Variants in GLI3 observed in about 807,000 individuals in gnomAD.
GLI3 encodes the protein transcription activator GLI3.
GLI3 carries 20 observed loss-of-function variants against 100.8 expected under a neutral mutation model. The ratio of observed to expected loss-of-function variants is 0.20; its 90% confidence interval spans 0.14 to 0.29. The LOEUF is 0.29. Among genes scored for constraint, GLI3 ranks in the 10% least tolerant of loss-of-function variants. The pLI is 1.00. For synonymous variants in GLI3, 938 were observed against 860.5 expected (o/e 1.09, Z -1.58); for missense variants, 2,040 against 2,128.5 (o/e 0.96, Z 0.82).
intron 4 of GLI3, 58 bp downstream of exon 4, chr7:42,076,694 G>T: frequency 9.3e-7 from 1 of 1,080,678 alleles, no homozygotes; most frequent in Non-Finnish European, 1.4e-6. Context: ...AAAGTCCTGA[G>T]ATGGTAAAAG....
At position 42,040,208 on chromosome 7, in the gene GLI3, G is replaced by A. The variant is rs1784104620; in HGVS notation, c.858C>T (p.Ala286=). The part of the protein sequence containing the change: ...STRFSSPRLS[A]RPSRKRTLSI... ...ACAGTGTACGTTTTCGGCTCGGCCTGGCTGACAGCCTGGGGCTGGAGAATC... is the reference window on the plus strand; with the variant it reads ...ACAGTGTACGTTTTCGGCTCGGCCTAGCTGACAGCCTGGGGCTGGAGAATC... Residue 286 remains alanine, a synonymous_variant, in exon 7 of 15, where the codon GCC becomes GCT. Transcript: ENST00000395925. 6.2e-7 allele frequency: 1 copy of A among 1,613,822 alleles called. No individual in the cohort carries two copies. Among genetic ancestry groups the A allele is most frequent in the African/African-American group, 1.3e-5 (1 of 74,896 alleles).
chr7:42,213,299 C>T lies in GLI3; in HGVS notation c.124+9831G>A, dbSNP rs551645894. On this transcript the variant is annotated intron_variant, in intron 2 of 14. Transcript: ENST00000395925. ...AATATAATGCTGACCACTACAATTTCAAAATACTTGCACTGCAGTCACTCA... is the reference window on the plus strand; with the variant it reads ...AATATAATGCTGACCACTACAATTTTAAAATACTTGCACTGCAGTCACTCA... Among the ~76,000 whole-genome samples the T allele has an allele frequency of 9.8e-5, 15 of 152,290 alleles. No individual in the cohort carries two copies. The South Asian group carries it at 1.7e-3, about 17-fold the overall frequency.
intron 13 of GLI3, among the ~76,000 whole-genome samples, chr7:41,969,230 G>A (rs1030147698): frequency 2.0e-5 from 3 of 152,152 alleles, no homozygotes; most frequent in Non-Finnish European, 4.4e-5. Context: ...AACTAGCCTG[G>A]ACTCCTAGGC....
intron 1 of GLI3, among the ~76,000 whole-genome samples, chr7:42,261,824 A>G (rs1294420841): frequency 6.6e-6 from 1 of 151,082 alleles, no homozygotes; most frequent in African/African-American, 2.4e-5. Context: ...GTCTGGGTTG[A>G]CCCTGGCATC....
At chr7:42,212,198 A>T (rs1788285904) in intron 2 of GLI3, among the ~76,000 whole-genome samples, 1 of 152,212 alleles carries the variant, frequency 6.6e-6, no homozygotes, top group African/African-American at 2.4e-5. Context: ...TTATTTTTAA[A>T]GATAAATATG....
intron 10 of GLI3, among the ~76,000 whole-genome samples, chr7:41,993,378 T>A (rs998586532): frequency 3.3e-5 from 5 of 152,122 alleles, no homozygotes; most frequent in Non-Finnish European, 7.4e-5. Context: ...GCCACCTCCT[T>A]ACAGAGACTC....
chr7:42,148,089 A>G, intron 3 of GLI3, 137 bp downstream of exon 3: 1 of 875,562 alleles, frequency 1.1e-6, no homozygotes. Flanking sequence ...TGGAAAGAAA[A>G]TTACACCTTT....
At chr7:42,036,123 TTAAG>T (rs1262963285) in intron 7 of GLI3, among the ~76,000 whole-genome samples, 9 of 152,216 alleles carry the variant, frequency 5.9e-5, no homozygotes, top group Non-Finnish European at 1.2e-4. Flanking sequence ...GTCTGGATTA[TTAAG>T]TAAATATATA....
chr7:42,238,051 C>T (rs1353405560), upstream of GLI3, among the ~76,000 whole-genome samples: 1 of 148,432 alleles, frequency 6.7e-6, no homozygotes, highest in Non-Finnish European at 1.5e-5. Context: ...CTCCTCCGCC[C>T]CTCCCCGGTC....
At chr7:42,222,315 A>G (rs964415700) in intron 2 of GLI3, among the ~76,000 whole-genome samples, 2 of 152,208 alleles carry the variant, frequency 1.3e-5, no homozygotes, top group African/African-American at 4.8e-5. Context: ...GGGCCAGCTC[A>G]TTCTTCCTAA....
chr7:42,098,129 G>A (rs1785381265), intron 3 of GLI3, among the ~76,000 whole-genome samples: 1 of 152,142 alleles, frequency 6.6e-6, no homozygotes, highest in Non-Finnish European at 1.5e-5. Context: ...CTGCAGGTAT[G>A]ACCACAGAGA....
Position 42,130,573 on chromosome 7 carries a change from G to A in GLI3, c.367+17653C>T, listed in dbSNP as rs1172565648. ...AAAATGAAGTCAAGGAAATTTCCCA[G>A]AGCACAGAACCAAAAGCAAAGACAT... On this transcript the variant is annotated intron_variant, in intron 3 of 14. Coordinates refer to ENST00000395925, the MANE Select transcript of GLI3 (RefSeq NM_000168.6). Among the ~76,000 whole-genome samples the A allele has an allele frequency of 3.3e-5, 5 of 152,124 alleles. No homozygotes were observed. The South Asian group carries it at 1.0e-3, about 32-fold the overall frequency.
chr7:42,212,486 T>C (rs993585931), intron 2 of GLI3, among the ~76,000 whole-genome samples: 1 of 152,220 alleles, frequency 6.6e-6, no homozygotes, highest in Non-Finnish European at 1.5e-5. Context: ...TCCATTTCTT[T>C]GCAATATATT....
intron 1 of GLI3, chr7:42,227,762 T>C (rs1045994821): frequency 2.0e-5 from 3 of 152,118 alleles, no homozygotes; most frequent in Admixed American, 6.5e-5. Context: ...GACCTACATA[T>C]TAAACAGCAC....
intron 12 of GLI3, among the ~76,000 whole-genome samples, chr7:41,976,560 A>G (rs1787519256): frequency 6.6e-6 from 1 of 152,202 alleles, no homozygotes; most frequent in Admixed American, 6.5e-5. Context: ...CTGAAAGATC[A>G]TGAATGTGTT....
At chr7:42,113,842 C>T (rs1159215244) in intron 3 of GLI3, among the ~76,000 whole-genome samples, 1 of 152,202 alleles carries the variant, frequency 6.6e-6, no homozygotes, top group Non-Finnish European at 1.5e-5. Flanking sequence ...TTCCCTTTCC[C>T]TTCTAGTTCT....
rs1785318334 is a variant in GLI3, at chr7:42,095,452, G to T, written c.368-18595C>A. On this transcript the variant is annotated intron_variant, in intron 3 of 14. Transcript: ENST00000395925. Reference sequence around the variant, plus strand: ...TGGTGGTAACATGGAGAATGGGTTGGAGTGGAATGAAATGAAGGTGGAGAA... The same window carrying T: ...TGGTGGTAACATGGAGAATGGGTTGTAGTGGAATGAAATGAAGGTGGAGAA... 1.3e-5 allele frequency among the ~76,000 whole-genome samples: 2 copies of T among 152,204 alleles called. 1 individual carries two copies. The highest frequency in any genetic ancestry group is 4.1e-4 in the South Asian group (2 of 4,832).
intron 4 of GLI3, among the ~76,000 whole-genome samples, chr7:42,049,990 C>T (rs1202078079): frequency 6.6e-6 from 1 of 152,194 alleles, no homozygotes; most frequent in Non-Finnish European, 1.5e-5. Flanking sequence ...GCCCGGCCCC[C>T]ATCACCCTGT....
At chr7:42,230,734 A>T (rs1194305203) in intron 1 of GLI3, among the ~76,000 whole-genome samples, 1 of 152,190 alleles carries the variant, frequency 6.6e-6, no homozygotes, top group African/African-American at 2.4e-5. Context: ...AGTTCTGTAA[A>T]ACTATGAGTC....
Sources: allele counts gnomAD v4.1 joint callset (sites outside exome capture counted in the v4.1 genomes callset), GRCh38; gene constraint gnomAD v4.1.1; transcripts MANE v1.5; gene names NCBI Gene and HGNC (gene_info 2026-07-23, HGNC 2026-07-21).